ADGRD1: variants seen among roughly 807,000 people sequenced by gnomAD.
ADGRD1 encodes the protein G-protein coupled receptor 133.
In ADGRD1, 77 loss-of-function variants were observed where a neutral mutation model predicts 113.4. The observed-to-expected ratio is 0.68, with a 90% CI of 0.57 to 0.82. The LOEUF is 0.82. Ranked by LOEUF, ADGRD1 falls within the 40% of genes least tolerant of loss-of-function variation. The pLI is 0.00. For synonymous variants in ADGRD1, 474 were observed against 475.0 expected (o/e 1.00, Z 0.03); for missense variants, 1,036 against 1,139.1 (o/e 0.91, Z 1.30).
chr12:131,098,484 GTGCTGTGGGGAGA>G (rs1949996477), intron 15 of ADGRD1, among the ~76,000 whole-genome samples: 1 of 152,200 alleles, frequency 6.6e-6, no homozygotes, highest in African/African-American at 2.4e-5. Flanking sequence ...GATGGGGCTG[GTGCTGTGGGGAGA>G]CCAGGGAAGC....
chr12:131,045,378 G>A (rs1882584697), intron 13 of ADGRD1, among the ~76,000 whole-genome samples: 1 of 152,218 alleles, frequency 6.6e-6, no homozygotes, highest in African/African-American at 2.4e-5. Context: ...CTGGGCATCA[G>A]CCCCAGGCAG....
chr12:131,011,896 C>T (rs747622076), intron 12 of ADGRD1, among the ~76,000 whole-genome samples: 29 of 152,306 alleles, frequency 1.9e-4, no homozygotes, highest in African/African-American at 7.0e-4. Flanking sequence ...GCCTTGGAGT[C>T]GCGTGCGGGG....
intron 13 of ADGRD1, among the ~76,000 whole-genome samples, chr12:131,064,735 A>T (rs1884584262): frequency 6.6e-6 from 1 of 152,224 alleles, no homozygotes; most frequent in African/African-American, 2.4e-5. Flanking sequence ...TTCGCTACTC[A>T]AGTGAGTTTA....
At chr12:131,112,994 G>A (rs1475139194) in intron 18 of ADGRD1, among the ~76,000 whole-genome samples, 1 of 152,176 alleles carries the variant, frequency 6.6e-6, no homozygotes, top group Non-Finnish European at 1.5e-5. Flanking sequence ...AATGAGAAAT[G>A]CGGGCAGCCT....
intron 21 of ADGRD1, among the ~76,000 whole-genome samples, chr12:131,135,378 GGTGTGTTCAGCGATGGGGCTCTGTCA>G (rs1427248110): frequency 6.6e-6 from 1 of 152,170 alleles, no homozygotes; most frequent in Non-Finnish European, 1.5e-5. Context: ...TGATGGGGCT[GGTGTGTTCAGCGATGGGGCTCTGTCA>G]GTTCACAGTG....
chr12:131,114,184 C>T (rs531891746), intron 18 of ADGRD1, among the ~76,000 whole-genome samples: 65 of 152,218 alleles, frequency 4.3e-4, no homozygotes, highest in African/African-American at 1.4e-3. Flanking sequence ...CCAATCCAGC[C>T]TGGAAGGATG....
Position 131,084,738 on chromosome 12 carries a change from T to A in ADGRD1, c.1671+75T>A. 1 of 1,527,824 alleles carries A rather than the reference T, an allele frequency of 6.5e-7. No homozygotes were observed. The highest frequency in any genetic ancestry group is 8.9e-7 in the Non-Finnish European group (1 of 1,122,614). The allele number at this position is 1,527,824 out of a possible 1,614,324, so 94.6% of individuals were successfully genotyped here. A position where few individuals can be genotyped will look rare whatever the true frequency, so the allele number is the denominator to read the frequency against. ...GCTGCAGGTGGGGGCGGGAGGATGC[T>A]TTGCCCGCCAGTGCCCACGGGCCCT... On this transcript the variant is annotated intron_variant, in intron 15 of 24. Transcript: ENST00000261654. The surrounding 1 kb of genome is among the most constrained non-coding windows in gnomAD (Gnocchi z 4.5).
At chr12:131,080,766 G>A (rs1190058086) in intron 14 of ADGRD1, among the ~76,000 whole-genome samples, 2 of 151,974 alleles carry the variant, frequency 1.3e-5, no homozygotes, top group East Asian at 1.9e-4. Flanking sequence ...GACTACAGGC[G>A]CCCGCCACCA....
chr12:131,000,433 T>A lies in ADGRD1; in HGVS notation c.1017T>A (p.Ala339=), dbSNP rs762587497. ...TCCTTCTACTGCCTGGTTGGATTGC[T>A]CTGTCAGAGGTAAGAGAAAAGAACA... ...GEILLLPGWI[A]LSEDSAVVLS... is the part of the protein sequence containing the mutation. Residue 339 remains alanine (A), a synonymous_variant, in exon 9 of 25, where the codon GCT becomes GCA. Transcript: ENST00000261654. 6.8e-6 allele frequency: 11 copies of A among 1,612,096 alleles called. No individual in the cohort carries two copies. Among genetic ancestry groups the A allele is most frequent in the Non-Finnish European group, 9.3e-6 (11 of 1,178,996 alleles).
At chr12:131,004,412 C>CGCCTGCGGTGCTCCCCCGGACT in intron 11 of ADGRD1, 116 bp downstream of exon 11, 1 of 797,944 alleles carries the variant, frequency 1.3e-6, no homozygotes, top group Non-Finnish European at 2.1e-6. Flanking sequence ...TCCCCCGGGC[C>CGCCTGCGGTGCTCCCCCGGACT]GCCTGCGGTG....
At chr12:131,061,198 T>C (rs1188916358) in intron 13 of ADGRD1, among the ~76,000 whole-genome samples, 1 of 152,212 alleles carries the variant, frequency 6.6e-6, no homozygotes, top group Non-Finnish European at 1.5e-5. Context: ...CAAAAGTCCC[T>C]GTGTTCCCAC....
chr12:130,996,652 G>T (rs572286876), intron 8 of ADGRD1, among the ~76,000 whole-genome samples: 1 of 98,568 alleles, frequency 1.0e-5, no homozygotes, highest in African/African-American at 4.4e-5. Context: ...CTGGCCGGGC[G>T]GGGGGCTGAC....
At chr12:131,059,512 A>G (rs1254838212) in intron 13 of ADGRD1, among the ~76,000 whole-genome samples, 2 of 151,992 alleles carry the variant, frequency 1.3e-5, no homozygotes, top group Non-Finnish European at 2.9e-5. Flanking sequence ...CAGTTATTCT[A>G]TTTTTCACTT....
At chr12:131,021,853 T>C (rs1254318630) in intron 13 of ADGRD1, among the ~76,000 whole-genome samples, 3 of 152,122 alleles carry the variant, frequency 2.0e-5, no homozygotes, top group Admixed American at 1.3e-4. Flanking sequence ...ACCTCAGACA[T>C]GCATCACAAT....
chr12:131,137,571 G>T, intron 23 of ADGRD1: 1 of 203,200 alleles, frequency 4.9e-6, no homozygotes, highest in South Asian at 9.7e-5. Context: ...GCCTTGGGAT[G>T]GGGAATGGGC....
chr12:131,011,842 A>C (rs1474809310), intron 12 of ADGRD1, among the ~76,000 whole-genome samples: 2 of 152,240 alleles, frequency 1.3e-5, no homozygotes, highest in Non-Finnish European at 2.9e-5. Flanking sequence ...ACAGAGAGTG[A>C]GAACCAGGCT....
At position 131,137,018 on chromosome 12, in the gene ADGRD1, C is replaced by T. The variant is rs757877478; in HGVS notation, c.2436+4C>T. ...TCATTGTCTCCTGAATTCAGAGGTA[C>T]GTCCGCTCTGCTTGCTGGCAGGTGC... On this transcript the variant is annotated splice_donor_region_variant and intron_variant, in intron 23 of 24. Coordinates refer to ENST00000261654, the MANE Select transcript of ADGRD1 (RefSeq NM_198827.5). The T allele has an allele frequency of 1.7e-5, 27 of 1,610,086 alleles. No individual in the cohort carries two copies. The highest frequency in any genetic ancestry group is 6.7e-5 in the Admixed American group (4 of 60,002).
intron 13 of ADGRD1, among the ~76,000 whole-genome samples, chr12:131,064,618 AAC>A (rs1468456214): frequency 1.3e-5 from 2 of 152,216 alleles, no homozygotes; most frequent in Non-Finnish European, 2.9e-5. Flanking sequence ...TAATTTATGA[AAC>A]ACTGTAAGGA....
intron 6 of ADGRD1, chr12:130,988,477 C>G (rs1220162493): frequency 6.6e-6 from 1 of 152,204 alleles, no homozygotes; most frequent in African/African-American, 2.4e-5. Context: ...GCCCTCGTTC[C>G]GCTTCTGACG....
Sources: gnomAD v4.1 joint callset for allele counts (sites outside exome capture counted in the v4.1 genomes callset) on GRCh38, gnomAD v4.1.1 for gene constraint, Gnocchi (gnomAD v3.1) non-coding constraint, MANE v1.5 for transcripts, NCBI Gene and HGNC (gene_info 2026-07-23, HGNC 2026-07-21) for gene names.